KDM4A: variants seen among roughly 807,000 people sequenced by gnomAD.
KDM4A encodes the protein lysine demethylase 4A.
Under a neutral mutation model 127.1 loss-of-function variants are expected in KDM4A, and 23 were observed. That is an observed-to-expected ratio of 0.18 (90% confidence interval 0.13 to 0.26). The LOEUF is 0.26. Ranked by LOEUF, KDM4A falls within the 10% of genes least tolerant of loss-of-function variation. KDM4A has a pLI of 1.00. For missense variants in KDM4A, 890 were observed against 1,329.1 expected (o/e 0.67, Z 5.14); for synonymous variants, 443 against 466.5 (o/e 0.95, Z 0.65).
At chr1:43,659,701 A>G (rs766982705) in intron 3 of KDM4A, among the ~76,000 whole-genome samples, 1 of 152,246 alleles carries the variant, frequency 6.6e-6, no homozygotes, top group Non-Finnish European at 1.5e-5. Flanking sequence ...CCTAATTGGA[A>G]TATTGGATGT....
chr1:43,697,005 AG>A (rs1415438207), intron 18 of KDM4A, among the ~76,000 whole-genome samples: 1 of 152,254 alleles, frequency 6.6e-6, no homozygotes, highest in Non-Finnish European at 1.5e-5. Flanking sequence ...TGAGAAGTGC[AG>A]GGATAAAAAT....
At chr1:43,690,090 G>A (rs1661074235) in intron 13 of KDM4A, among the ~76,000 whole-genome samples, 1 of 152,236 alleles carries the variant, frequency 6.6e-6, no homozygotes, top group Admixed American at 6.5e-5. Flanking sequence ...GTTTGCCAAG[G>A]GAAGTATGTG....
intron 11 of KDM4A, among the ~76,000 whole-genome samples, chr1:43,679,496 T>C (rs1209982823): frequency 6.6e-6 from 1 of 152,160 alleles, no homozygotes; most frequent in African/African-American, 2.4e-5. Context: ...ACTGGGTTCC[T>C]TAGAGCACCC....
At chr1:43,679,460 T>C (rs1328244128) in intron 11 of KDM4A, among the ~76,000 whole-genome samples, 1 of 152,196 alleles carries the variant, frequency 6.6e-6, no homozygotes, top group East Asian at 1.9e-4. Context: ...AGAGGTCTTA[T>C]AGCACTGGAT....
At chr1:43,669,477 G>A (rs780177705) in intron 10 of KDM4A, among the ~76,000 whole-genome samples, 178 bp downstream of exon 10, 6 of 152,122 alleles carry the variant, frequency 3.9e-5, no homozygotes, top group Non-Finnish European at 5.9e-5. Flanking sequence ...GACTGGACAC[G>A]TAGGGAAAAG....
intron 3 of KDM4A, among the ~76,000 whole-genome samples, chr1:43,657,726 C>G (rs1660277626): frequency 6.6e-6 from 1 of 150,598 alleles, no homozygotes; most frequent in African/African-American, 2.4e-5. Context: ...CCTTTTTTCC[C>G]TTTTTGTTAA....
intron 11 of KDM4A, among the ~76,000 whole-genome samples, chr1:43,679,182 GTTTC>G (rs1660804103): frequency 6.6e-6 from 1 of 152,148 alleles, no homozygotes. Context: ...TAGAGTACTA[GTTTC>G]TTAATGCCCT....
At chr1:43,677,918 TGA>T (rs1157842296) in intron 11 of KDM4A, among the ~76,000 whole-genome samples, 2 of 152,270 alleles carry the variant, frequency 1.3e-5, no homozygotes, top group East Asian at 3.9e-4. Context: ...TTCTTTAGTC[TGA>T]GAGAGAGGTA....
Position 43,697,859 on chromosome 1 carries a change from T to C in KDM4A, c.2687T>C (p.Leu896Ser). 6.2e-7 allele frequency: 1 copy of C among 1,613,306 alleles called. No individual in the cohort carries two copies. The highest frequency in any genetic ancestry group is 8.5e-7 in the Non-Finnish European group (1 of 1,179,788). Residue 896 changes from leucine to serine, a missense_variant, in exon 19 of 22, where the codon TTG becomes TCG. By Grantham distance (145) the Leu-to-Ser change is moderately radical. Around this residue, in one of 7 missense-constraint regions of KDM4A, gnomAD observed 246 missense variants for 418.4 expected, o/e 0.59. Coordinates refer to ENST00000372396, the MANE Select transcript of KDM4A (RefSeq NM_014663.3). ...IPNLERAKGALQSITAGQKVI... is the reference protein window; with the variant it reads ...IPNLERAKGASQSITAGQKVI... ...TTTTTCCAGCGTGCCAAGGGGGCCT[T>C]GCAAAGCATCACTGCAGGCCAGAAA...
At chr1:43,657,242 C>T (rs981479263) in intron 3 of KDM4A, among the ~76,000 whole-genome samples, 8 of 151,674 alleles carry the variant, frequency 5.3e-5, no homozygotes, top group Non-Finnish European at 8.8e-5. Flanking sequence ...CTCGCTCTGT[C>T]GCCAGGCTAG....
chr1:43,694,651 C>T lies in KDM4A; in HGVS notation c.2485-58C>T, dbSNP rs74847267. Reference sequence around the variant, plus strand: ...GGCTTTGCATTTGGGAGGGGAACAACAGAGGAAGCTGCAGTGCCAGTTCCT... The same window carrying T: ...GGCTTTGCATTTGGGAGGGGAACAATAGAGGAAGCTGCAGTGCCAGTTCCT... On this transcript the variant is annotated intron_variant, in intron 17 of 21. Transcript: ENST00000372396. The surrounding 1 kb of genome is among the most constrained non-coding windows in gnomAD (Gnocchi z 5.2). 2.1e-3 allele frequency: 3,048 copies of T among 1,484,062 alleles called. 55 individuals carry two copies. In the African/African-American group the frequency reaches 0.038, roughly 18 times the overall value. The allele number at this position is 1,484,062 out of a possible 1,614,324, so 91.9% of individuals were successfully genotyped here. A position where few individuals can be genotyped will look rare whatever the true frequency, so the allele number is the denominator to read the frequency against.
rs1039485459 is a variant in KDM4A, at chr1:43,672,191, C to CT, written c.1734+328dup. ...CCTCAGCCCACTTGGATCACAATGC[C>CT]TTTTTTTTTTTTCTTGAGATAGAGT... On this transcript the variant is annotated intron_variant, in intron 11 of 21. Transcript: ENST00000372396. Among the ~76,000 whole-genome samples, 417 of 146,882 alleles carry CT rather than the reference C, an allele frequency of 2.8e-3. 1 individual carries two copies. The highest frequency in any genetic ancestry group is 5.6e-3 in the African/African-American group (225 of 40,336).
At chr1:43,659,446 A>G (rs1011816360) in intron 3 of KDM4A, among the ~76,000 whole-genome samples, 1 of 152,086 alleles carries the variant, frequency 6.6e-6, no homozygotes, top group Non-Finnish European at 1.5e-5. Flanking sequence ...CCCACCCTAA[A>G]TAGCTGGGAT....
At chr1:43,666,207 G>T (rs1660498800) in intron 6 of KDM4A, 2 of 492,180 alleles carry the variant, frequency 4.1e-6, no homozygotes, top group Non-Finnish European at 7.1e-6. Flanking sequence ...AAGAACAGAG[G>T]CAGCTTGGGT....
At chr1:43,687,358 G>T (rs925387464) in intron 12 of KDM4A, among the ~76,000 whole-genome samples, 1 of 152,222 alleles carries the variant, frequency 6.6e-6, no homozygotes, top group Non-Finnish European at 1.5e-5. Context: ...TTCCTTGGCT[G>T]CTTGGAACAG....
In KDM4A at chr1:43,655,688, C is replaced by A; in HGVS notation, c.236C>A (p.Ser79Tyr). ...ATTCAACAGCTGGTGACGGGGCAGT[C>A]TGGCCTCTTTACTCAGTACAACATA... ...APIQQLVTGQSGLFTQYNIQK... is the reference protein window; with the variant it reads ...APIQQLVTGQYGLFTQYNIQK... The change falls in exon 3 of 22, where the codon TCT becomes TAT. Residue 79 changes from serine to tyrosine, a missense_variant. Physicochemically the swap from Ser to Tyr is moderately radical, Grantham distance 144. Around this residue, in one of 7 missense-constraint regions of KDM4A, gnomAD observed 29 missense variants for 64.3 expected, o/e 0.45. Transcript: ENST00000372396. 6.2e-7 allele frequency: 1 copy of A among 1,613,996 alleles called. No individual in the cohort carries two copies. Among genetic ancestry groups the A allele is most frequent in the South Asian group, 1.1e-5 (1 of 91,022 alleles).
chr1:43,656,050 G>T (rs1159583652), intron 3 of KDM4A, among the ~76,000 whole-genome samples: 2 of 152,138 alleles, frequency 1.3e-5, no homozygotes, highest in African/African-American at 4.8e-5. Context: ...AGTTGGATGT[G>T]GTGCACAAGG....
chr1:43,668,142 T>A, intron 9 of KDM4A, 123 bp downstream of exon 9: 1 of 1,358,088 alleles, frequency 7.4e-7, no homozygotes. Context: ...TTGTTTTTGT[T>A]TTTGATGGAG....
At position 43,704,379 on chromosome 1, in the gene KDM4A, A is replaced by T; in HGVS notation, c.*9A>T. ...GGGCCATCATGGAGTAGGTGCTTCCAGGGTCCAAGGGATTCTCAGCCATCC... is the reference window on the plus strand; with the variant it reads ...GGGCCATCATGGAGTAGGTGCTTCCTGGGTCCAAGGGATTCTCAGCCATCC... On this transcript the variant is annotated 3_prime_UTR_variant, in exon 22 of 22. Transcript: ENST00000372396. 6.2e-7 allele frequency: 1 copy of T among 1,609,718 alleles called. No homozygotes were observed. Among genetic ancestry groups the T allele is most frequent in the African/African-American group, 1.3e-5 (1 of 74,764 alleles).
Sources: gnomAD v4.1 joint callset for allele counts (sites outside exome capture counted in the v4.1 genomes callset) on GRCh38, gnomAD v4.1.1 for gene constraint, gnomAD v4.1.1 regional missense constraint, Gnocchi (gnomAD v3.1) non-coding constraint, MANE v1.5 for transcripts, NCBI Gene and HGNC (gene_info 2026-07-23, HGNC 2026-07-21) for gene names.